The following MTMR12 variants were observed in gnomAD, a reference collection of about 807,000 sequenced individuals.
MTMR12 encodes the protein myotubularin related protein 12, also known as myotubularin-related protein 12.
Under a neutral mutation model 96.7 loss-of-function variants are expected in MTMR12, and 33 were observed. That is an observed-to-expected ratio of 0.34 (90% CI 0.26 to 0.46). MTMR12 has a LOEUF of 0.46. Ranked by LOEUF, MTMR12 falls within the 20% of genes least tolerant of loss-of-function variation. The pLI is 1.00. For missense variants in MTMR12, 721 were observed against 896.1 expected (o/e 0.80, Z 2.49); for synonymous variants, 298 against 327.2 (o/e 0.91, Z 0.96).
rs1747902384 is a variant in MTMR12, at chr5:32,229,510, C to CTT, written c.*266_*267dup. The CTT allele has an allele frequency of 3.3e-6, 1 of 304,392 alleles. No homozygotes were observed. The highest frequency in any genetic ancestry group is 6.0e-6 in the Non-Finnish European group (1 of 166,934). 18.9% of individuals were successfully genotyped at this position (304,392 alleles called of 1,614,324 possible). A position where few individuals can be genotyped will look rare whatever the true frequency, so the allele number is the denominator to read the frequency against. ...TGGCCATTGTGGGCTCTGTATAATA[C>CTT]TTAGGCATCAGAAAACGGCCACAAC... On this transcript the variant is annotated 3_prime_UTR_variant, in exon 16 of 16. Transcript: ENST00000382142.
In MTMR12 at chr5:32,248,769, G is replaced by A; in HGVS notation, c.896+3C>T. ...AAGAACAAAATGTAGAACTAGTACT[G>A]ACCCATCTAAGAAGCTCTTTTGGAT... is the stretch of plus-strand genomic sequence containing the variant. On this transcript the variant is annotated splice_donor_region_variant and intron_variant, in intron 9 of 15. Coordinates refer to ENST00000382142, the MANE Select transcript of MTMR12 (RefSeq NM_001040446.3). 8 of 1,610,812 alleles carry A rather than the reference G, an allele frequency of 5.0e-6. No individual in the cohort carries two copies. Among genetic ancestry groups the A allele is most frequent in the Non-Finnish European group, 6.8e-6 (8 of 1,177,072 alleles).
chr5:32,283,492 T>G (rs1373083258), intron 1 of MTMR12, among the ~76,000 whole-genome samples: 1 of 152,176 alleles, frequency 6.6e-6, no homozygotes, highest in Non-Finnish European at 1.5e-5. Context: ...TTGTCTCCAT[T>G]TTACAGATGA....
intron 12 of MTMR12, among the ~76,000 whole-genome samples, chr5:32,239,613 G>A (rs1050169717): frequency 4.6e-5 from 7 of 152,148 alleles, no homozygotes; most frequent in South Asian, 2.1e-4. Flanking sequence ...GGACGCCTCC[G>A]TCACTGAACT....
chr5:32,276,007 T>C (rs565851305), intron 2 of MTMR12, among the ~76,000 whole-genome samples: 36 of 152,320 alleles, frequency 2.4e-4, no homozygotes, highest in African/African-American at 8.7e-4. Context: ...AAAAAAGCTA[T>C]TTTGAATTAA....
chr5:32,263,163 G>A lies in MTMR12; in HGVS notation c.663C>T (p.Asn221=), dbSNP rs1184266357. 1.7e-5 allele frequency: 28 copies of A among 1,614,066 alleles called. No individual in the cohort carries two copies. Among genetic ancestry groups the A allele is most frequent in the Non-Finnish European group, 2.4e-5 (28 of 1,180,048 alleles). The change falls in exon 7 of 16, where the codon AAC becomes AAT. Residue 221 remains asparagine, a synonymous_variant. Transcript: ENST00000382142. The part of the protein sequence containing the change: ...WCWELERTKG[N]MKYKAVSVNE... ...TGACACTCACTGCTTTGTACTTCAT[G>A]TTGCCTTTGGTCCGTTCCAGTTCCC...
chr5:32,263,792 T>C (rs777375201), intron 6 of MTMR12, among the ~76,000 whole-genome samples: 23 of 152,194 alleles, frequency 1.5e-4, no homozygotes, highest in Non-Finnish European at 2.8e-4. Context: ...AAGTAATTTA[T>C]AGCTCCATTT....
intron 11 of MTMR12, 90 bp from the exon 12 acceptor site, chr5:32,242,217 C>A: frequency 7.7e-6 from 6 of 776,376 alleles, no homozygotes; most frequent in South Asian, 2.2e-5. Flanking sequence ...CTGACTTGAT[C>A]TTCAGTCTTC....
chr5:32,289,409 TGAGG>T (rs143336792), intron 1 of MTMR12, among the ~76,000 whole-genome samples: 3,218 of 152,244 alleles, frequency 0.021, 104 homozygotes, highest in African/African-American at 0.074. Context: ...CGGGTCCCCT[TGAGG>T]AAGGACCCCA....
At chr5:32,267,000 A>G (rs192994861) in intron 6 of MTMR12, among the ~76,000 whole-genome samples, 1 of 152,124 alleles carries the variant, frequency 6.6e-6, no homozygotes, top group Non-Finnish European at 1.5e-5. Context: ...GAATTGCTTG[A>G]ACCTGGGAGG....
Position 32,312,605 on chromosome 5 carries a change from C to G in MTMR12, c.81+153G>C, listed in dbSNP as rs567931305. Among the ~76,000 whole-genome samples, 1 of 152,150 alleles carries G rather than the reference C, an allele frequency of 6.6e-6. No homozygotes were observed. Among genetic ancestry groups the G allele is most frequent in the Non-Finnish European group, 1.5e-5 (1 of 67,960 alleles). ...TCCGGCCCGCGCGGAGGCCCCAGCG[C>G]GCTCCTGCGGCCTCAGCCCGCCTGG... On this transcript the variant is annotated intron_variant, in intron 1 of 15. Transcript: ENST00000382142. This position sits in a 1 kb window ranked among gnomAD's most constrained non-coding sequence, Gnocchi z 5.0.
intron 1 of MTMR12, among the ~76,000 whole-genome samples, chr5:32,304,487 A>G (rs957874385): frequency 2.0e-5 from 3 of 152,178 alleles, no homozygotes; most frequent in Admixed American, 2.0e-4. Context: ...TGTCTTTATC[A>G]TAATAAGGTA....
chr5:32,243,147 T>C (rs1468159604), intron 11 of MTMR12, among the ~76,000 whole-genome samples: 1 of 152,210 alleles, frequency 6.6e-6, no homozygotes, highest in African/African-American at 2.4e-5. Context: ...AAAACACAGA[T>C]AATATATGCG....
chr5:32,249,330 AG>A (rs1246142026), intron 8 of MTMR12, among the ~76,000 whole-genome samples: 1 of 152,162 alleles, frequency 6.6e-6, no homozygotes, highest in Non-Finnish European at 1.5e-5. Context: ...GACTTTCCCA[AG>A]TTGTACAAAA....
At position 32,263,093 on chromosome 5, in the gene MTMR12, G is replaced by A. The variant is rs112856797; in HGVS notation, c.713+20C>T. On this transcript the variant is annotated intron_variant, in intron 7 of 15. Transcript: ENST00000382142. Reference sequence around the variant, plus strand: ...TTAATGGGTGAATTGTACAGCATGTGCCCAGCATGGAAAGCTTACCTCTCA... The same window carrying A: ...TTAATGGGTGAATTGTACAGCATGTACCCAGCATGGAAAGCTTACCTCTCA... 716 of 1,613,642 alleles carry A rather than the reference G, an allele frequency of 4.4e-4. 3 individuals are homozygous for A. In the African/African-American group the frequency reaches 8.4e-3, roughly 19 times the overall value.
chr5:32,287,350 T>A (rs1750575411), intron 1 of MTMR12, among the ~76,000 whole-genome samples: 1 of 152,124 alleles, frequency 6.6e-6, no homozygotes, highest in South Asian at 2.1e-4. Context: ...CATGAAAAGG[T>A]GAGACTGGCC....
chr5:32,281,493 T>C lies in MTMR12; in HGVS notation c.82-4751A>G, dbSNP rs187605693. The stretch of plus-strand genomic sequence containing the variant: ...AGCATTTTTCTATTAATAGGATTTA[T>C]CTTCTAGCAGCACACCATGATTTAT... On this transcript the variant is annotated intron_variant, in intron 1 of 15. Coordinates refer to ENST00000382142, the MANE Select transcript of MTMR12 (RefSeq NM_001040446.3). 4.7e-4 allele frequency among the ~76,000 whole-genome samples: 72 copies of C among 152,342 alleles called. No individual in the cohort carries two copies. In the East Asian group the frequency reaches 0.013, roughly 27 times the overall value.
intron 1 of MTMR12, among the ~76,000 whole-genome samples, chr5:32,307,601 G>C (rs1173999881): frequency 1.3e-5 from 2 of 152,124 alleles, no homozygotes; most frequent in Non-Finnish European, 1.5e-5. Flanking sequence ...CAAAATTATG[G>C]TTTTAACTGT....
chr5:32,263,098 G>A lies in MTMR12; in HGVS notation c.713+15C>T. ...GGGTGAATTGTACAGCATGTGCCCA[G>A]CATGGAAAGCTTACCTCTCACAGAC... is the stretch of plus-strand genomic sequence containing the variant. On this transcript the variant is annotated intron_variant, in intron 7 of 15. Coordinates refer to ENST00000382142, the MANE Select transcript of MTMR12 (RefSeq NM_001040446.3). 5.6e-6 allele frequency: 9 copies of A among 1,613,878 alleles called. No individual in the cohort carries two copies. The highest frequency in any genetic ancestry group is 7.6e-6 in the Non-Finnish European group (9 of 1,179,812).
intron 1 of MTMR12, among the ~76,000 whole-genome samples, chr5:32,303,847 CAAAAAAAA>C (rs57459005): frequency 4.4e-5 from 3 of 68,400 alleles, no homozygotes; most frequent in Non-Finnish European, 8.3e-5. Flanking sequence ...TTTGCCATCT[CAAAAAAAA>C]AAAAAAAAAA....
Sources: allele counts gnomAD v4.1 joint callset (sites outside exome capture counted in the v4.1 genomes callset), GRCh38; gene constraint gnomAD v4.1.1; non-coding constraint Gnocchi (gnomAD v3.1); transcripts MANE v1.5; gene names NCBI Gene and HGNC (gene_info 2026-07-23, HGNC 2026-07-21).